Variants in BICD1 observed in about 807,000 individuals in gnomAD.
BICD1 encodes BICD cargo adaptor 1.
A neutral mutation model predicts 92.5 loss-of-function variants in BICD1; 35 were observed. The observed-to-expected ratio is 0.38, with a 90% CI of 0.29 to 0.50. BICD1 has a LOEUF of 0.50. Ranked by LOEUF, BICD1 falls within the 20% of genes least tolerant of loss-of-function variation. The pLI is 0.93. For synonymous variants in BICD1, 429 were observed against 465.1 expected, an observed-to-expected ratio of 0.92 and a Z score of 1.00; for missense variants, 950 against 1,189.8, an observed-to-expected ratio of 0.80 and a Z score of 2.97.
intron 9 of BICD1, among the ~76,000 whole-genome samples, chr12:32,371,664 T>C (rs1180692066): frequency 6.6e-6 from 1 of 152,066 alleles, no homozygotes; most frequent in Admixed American, 6.6e-5. Context: ...CTTGGCTCAC[T>C]GGCACCTCCA....
At chr12:32,172,385 C>T (rs777700755) in intron 1 of BICD1, among the ~76,000 whole-genome samples, 1 of 152,206 alleles carries the variant, frequency 6.6e-6, no homozygotes, top group Non-Finnish European at 1.5e-5. Flanking sequence ...GCTTTGCTCC[C>T]TTACTCTAAA....
intron 1 of BICD1, among the ~76,000 whole-genome samples, chr12:32,133,685 A>G (rs567010959): frequency 1.3e-5 from 2 of 152,134 alleles, no homozygotes; most frequent in South Asian, 4.1e-4. Context: ...TAAACTGTTA[A>G]GTCATTTTTA....
intron 1 of BICD1, among the ~76,000 whole-genome samples, chr12:32,117,205 A>C (rs1477115093): frequency 6.6e-6 from 1 of 152,214 alleles, no homozygotes; most frequent in African/African-American, 2.4e-5. Flanking sequence ...CTTGCTGAGA[A>C]TACTCTATGG....
chr12:32,108,637 TGTTACA>T, intron 1 of BICD1: 1 of 694,740 alleles, frequency 1.4e-6, no homozygotes, highest in Non-Finnish European at 2.6e-6. Context: ...TATTTTATGC[TGTTACA>T]GTTAAAAGAT....
rs11051870 is a variant in BICD1, at chr12:32,243,602, G to T, written c.426+27143G>T. The stretch of plus-strand genomic sequence containing the variant: ...CAAAAAATTATTGATTTTCTTAATC[G>T]TTTTCTATGAGTAGAAATCCTTTCC... On this transcript the variant is annotated intron_variant, in intron 2 of 9. Coordinates refer to ENST00000652176, the MANE Select transcript of BICD1 (RefSeq NM_001714.4). 3.4e-4 allele frequency among the ~76,000 whole-genome samples: 52 copies of T among 151,756 alleles called. No homozygotes were observed. In the East Asian group the frequency reaches 0.01, roughly 29 times the overall value.
At chr12:32,207,144 G>A (rs1401994800) in intron 1 of BICD1, among the ~76,000 whole-genome samples, 6 of 152,100 alleles carry the variant, frequency 3.9e-5, no homozygotes, top group Non-Finnish European at 7.3e-5. Context: ...TCTTGGTCCC[G>A]TTCTTAAACT....
intron 4 of BICD1, among the ~76,000 whole-genome samples, chr12:32,315,682 T>C (rs1948479157): frequency 6.6e-6 from 1 of 152,178 alleles, no homozygotes; most frequent in South Asian, 2.1e-4. Context: ...GGTCCTTGAC[T>C]TGTGAATGTT....
chr12:32,274,138 G>A (rs1947217127), intron 2 of BICD1, among the ~76,000 whole-genome samples: 2 of 152,174 alleles, frequency 1.3e-5, no homozygotes, highest in African/African-American at 4.8e-5. Context: ...ACACTTTAAT[G>A]TAGATTGTAA....
rs897576958 is a variant in BICD1 at position 32,197,380 on chromosome 12, C to A, written c.214-18867C>A. On this transcript the variant is annotated intron_variant, in intron 1 of 9. Transcript: ENST00000652176. Reference sequence around the variant, plus strand: ...TCTTATTCTACCTAGAAGCTAAAAGCATTGGCAGGGTTATGAGTTGGGGTG... The same window carrying A: ...TCTTATTCTACCTAGAAGCTAAAAGAATTGGCAGGGTTATGAGTTGGGGTG... Among the ~76,000 whole-genome samples, 3 of 152,232 alleles carry A rather than the reference C, an allele frequency of 2.0e-5. No homozygotes were observed. The South Asian group carries it at 6.2e-4, about 32-fold the overall frequency.
At chr12:32,351,833 C>G (rs61927170) in intron 8 of BICD1, among the ~76,000 whole-genome samples, 1 of 147,302 alleles carries the variant, frequency 6.8e-6, no homozygotes, top group African/African-American at 2.5e-5. Flanking sequence ...AACCAGGACG[C>G]GGGAGGCAGA....
intron 1 of BICD1, among the ~76,000 whole-genome samples, chr12:32,149,977 G>A (rs1012733278): frequency 2.0e-5 from 3 of 152,222 alleles, no homozygotes; most frequent in African/African-American, 4.8e-5. Flanking sequence ...AGGTGGCTGC[G>A]GAGGCCTCAC....
At position 32,219,549 on chromosome 12, in the gene BICD1, T is replaced by G. The variant is rs574481163; in HGVS notation, c.426+3090T>G. 3.3e-5 allele frequency among the ~76,000 whole-genome samples: 5 copies of G among 152,270 alleles called. No homozygotes were observed. The South Asian group carries it at 1.0e-3, about 32-fold the overall frequency. On this transcript the variant is annotated intron_variant, in intron 2 of 9. Transcript: ENST00000652176. ...AATAATGTTCTGCATACTCCAAAAA[T>G]ATCATTGACGATATGACTCATTATG...
intron 5 of BICD1, among the ~76,000 whole-genome samples, chr12:32,332,140 A>G (rs1937904566): frequency 9.9e-5 from 15 of 152,222 alleles, no homozygotes; most frequent in Admixed American, 9.8e-4. Flanking sequence ...CAGATACCGC[A>G]TGTTCTCACT....
intron 1 of BICD1, among the ~76,000 whole-genome samples, chr12:32,125,798 T>C (rs1942305329): frequency 6.6e-6 from 1 of 151,892 alleles, no homozygotes; most frequent in Non-Finnish European, 1.5e-5. Context: ...TCCCAACACT[T>C]TGGGAAGCCA....
Position 32,107,501 on chromosome 12 carries a change from C to T in BICD1, c.170C>T (p.Ala57Val), listed in dbSNP as rs1260584460. The change falls in exon 1 of 10, where the codon GCT becomes GTT. Residue 57 changes from alanine to valine, a missense_variant. Coordinates refer to ENST00000652176, the MANE Select transcript of BICD1 (RefSeq NM_001714.4). ...TLKQQYDELE[A>V]EYDSLKQELE... ...AAACAGCAGTATGATGAACTGGAGG[C>T]TGAGTACGACAGCCTCAAACAGGAG... 1 of 1,605,822 alleles carries T rather than the reference C, an allele frequency of 6.2e-7. No homozygotes were observed. Among genetic ancestry groups the T allele is most frequent in the East Asian group, 2.2e-5 (1 of 44,730 alleles).
chr12:32,173,080 A>T (rs1018871080), intron 1 of BICD1, among the ~76,000 whole-genome samples: 22 of 151,024 alleles, frequency 1.5e-4, no homozygotes, highest in African/African-American at 5.3e-4. Flanking sequence ...ACAGCGTCTC[A>T]CTCTGTCGCC....
chr12:32,115,386 G>GTTTTTTTTTTTTTTTT (rs149711623), intron 1 of BICD1, among the ~76,000 whole-genome samples: 1 of 97,740 alleles, frequency 1.0e-5, no homozygotes, highest in Non-Finnish European at 2.2e-5. Context: ...TGGTGTTTTT[G>GTTTTTTTTTTTTTTTT]GTTTTTTTTT....
intron 2 of BICD1, among the ~76,000 whole-genome samples, chr12:32,285,173 AATG>A (rs1160609021): frequency 6.6e-6 from 1 of 152,228 alleles, no homozygotes; most frequent in East Asian, 1.9e-4. Flanking sequence ...GGTTCTACCC[AATG>A]ATAACTTCCT....
At chr12:32,126,328 G>T (rs1362153481) in intron 1 of BICD1, among the ~76,000 whole-genome samples, 1 of 152,042 alleles carries the variant, frequency 6.6e-6, no homozygotes, top group Non-Finnish European at 1.5e-5. Context: ...TTCACACCGA[G>T]TTTGTGTAGA....
Sources: gnomAD v4.1 joint callset for allele counts (sites outside exome capture counted in the v4.1 genomes callset) on GRCh38, gnomAD v4.1.1 for gene constraint, MANE v1.5 for transcripts, NCBI Gene and HGNC (gene_info 2026-07-23, HGNC 2026-07-21) for gene names.